JPH2: variants seen among roughly 807,000 people sequenced by gnomAD.
The protein encoded by JPH2 is junctophilin 2.
JPH2 carries 38 observed loss-of-function variants against 55.9 expected under a neutral mutation model. The observed-to-expected ratio is 0.68, with a 90% CI of 0.52 to 0.89. The LOEUF (loss-of-function observed/expected upper bound fraction) is 0.89, where lower values mean the gene tolerates loss of function less well. Among genes scored for constraint, JPH2 ranks in the 40% least tolerant of loss-of-function variants. The pLI, the probability that JPH2 is intolerant of heterozygous loss-of-function variation, is 0.00. For synonymous variants in JPH2, 480 were observed against 472.4 expected, an observed-to-expected ratio of 1.02 and a Z score of -0.21; for missense variants, 964 against 1,037.6, an observed-to-expected ratio of 0.93 and a Z score of 0.97.
In JPH2 at chr20:44,178,473, A is replaced by G. The variant is rs1011031419; in HGVS notation, c.379+7854T>C. Among the ~76,000 whole-genome samples the G allele has an allele frequency of 1.3e-5, 2 of 152,248 alleles. 1 individual carries two copies. The highest frequency in any genetic ancestry group is 4.8e-5 in the African/African-American group (2 of 41,468). On this transcript the variant is annotated intron_variant, in intron 1 of 5. Transcript: ENST00000372980. ...ACAAATAGGGATATATACCATGTTC[A>G]CGGGTTGGAAGCCTCACTGCTAATA...
chr20:44,160,914 C>G lies in JPH2; in HGVS notation c.380-507G>C, dbSNP rs1011663336. On this transcript the variant is annotated intron_variant, in intron 1 of 5. Transcript: ENST00000372980. The surrounding 1 kb of genome is among the most constrained non-coding windows in gnomAD (Gnocchi z 4.9). ...ACCTGGGCAACATGGTGAAACCTCTCTCTACAAAAAAATTAGTCAGGCGTG... is the reference window on the plus strand; with the variant it reads ...ACCTGGGCAACATGGTGAAACCTCTGTCTACAAAAAAATTAGTCAGGCGTG... 1.3e-5 allele frequency among the ~76,000 whole-genome samples: 2 copies of G among 152,122 alleles called. No individual in the cohort carries two copies. Among genetic ancestry groups the G allele is most frequent in the Non-Finnish European group, 2.9e-5 (2 of 68,024 alleles).
rs113789796 is a variant in JPH2, at chr20:44,137,136, T to C, written c.1170-18513A>G. Among the ~76,000 whole-genome samples, 1,070 of 152,306 alleles carry C rather than the reference T, an allele frequency of 7.0e-3. 11 individuals are homozygous for C. Among genetic ancestry groups the C allele is most frequent in the African/African-American group, 0.025 (1,023 of 41,560 alleles). ...CCCCATGAATGTTAGCTGCTATTTTTTGTTATCACTACTTAGCGGATTTTC... is the reference window on the plus strand; with the variant it reads ...CCCCATGAATGTTAGCTGCTATTTTCTGTTATCACTACTTAGCGGATTTTC... On this transcript the variant is annotated intron_variant, in intron 2 of 5. Coordinates refer to ENST00000372980, the MANE Select transcript of JPH2 (RefSeq NM_020433.5).
chr20:44,167,284 C>T (rs769583006), intron 1 of JPH2, among the ~76,000 whole-genome samples: 2 of 152,190 alleles, frequency 1.3e-5, no homozygotes, highest in Non-Finnish European at 2.9e-5. Context: ...AGGGAGGAAG[C>T]TTTGTCTACC....
rs1168358509 is a variant in JPH2, at chr20:44,187,016, G to C, written c.-311C>G. 1 of 457,634 alleles carries C rather than the reference G, an allele frequency of 2.2e-6. No homozygotes were observed. The highest frequency in any genetic ancestry group is 3.7e-5 in the Admixed American group (1 of 27,182). 28.3% of individuals were successfully genotyped at this position (457,634 alleles called of 1,614,324 possible). On this transcript the variant is annotated 5_prime_UTR_variant, in exon 1 of 6. Transcript: ENST00000372980. ...GCGTCCCAAGTCTGCCTTCCAAGAA[G>C]TCCAAGGGAAAACGGTGTGATCTCT...
Position 44,107,923 on chromosome 20 carries a change from T to A in JPH2, c.*5595A>T, listed in dbSNP as rs186604074. ...GTCTTTGTTATTCATGGTGGGCTCCTGGGACCACAACTCACAGCTTATGCT... is the reference window on the plus strand; with the variant it reads ...GTCTTTGTTATTCATGGTGGGCTCCAGGGACCACAACTCACAGCTTATGCT... On this transcript the variant is annotated 3_prime_UTR_variant, in exon 6 of 6. Coordinates refer to ENST00000372980, the MANE Select transcript of JPH2 (RefSeq NM_020433.5). Among the ~76,000 whole-genome samples, 232 of 152,326 alleles carry A rather than the reference T, an allele frequency of 1.5e-3. No homozygotes were observed. Among genetic ancestry groups the A allele is most frequent in the African/African-American group, 4.9e-3 (205 of 41,558 alleles).
chr20:44,133,575 G>T (rs189734406), intron 2 of JPH2, among the ~76,000 whole-genome samples: 74 of 152,030 alleles, frequency 4.9e-4, no homozygotes, highest in African/African-American at 1.7e-3. Flanking sequence ...CTTCCAGTGT[G>T]CCCAGCCGAC....
intron 2 of JPH2, among the ~76,000 whole-genome samples, chr20:44,145,534 G>A (rs6103651): frequency 6.6e-6 from 1 of 151,614 alleles, no homozygotes; most frequent in Non-Finnish European, 1.5e-5. Context: ...AACGCGGGAG[G>A]AGGAGGCTGC....
intron 1 of JPH2, among the ~76,000 whole-genome samples, chr20:44,169,477 C>T (rs1043903420): frequency 6.6e-6 from 1 of 152,112 alleles, no homozygotes; most frequent in Admixed American, 6.5e-5. Context: ...CACGCCTGGC[C>T]CTCAGGTATT....
intron 1 of JPH2, among the ~76,000 whole-genome samples, chr20:44,162,745 CATATATATATATATATATATATAT>C (rs1157323951): frequency 2.9e-4 from 15 of 52,472 alleles, no homozygotes; most frequent in South Asian, 1.5e-3. Context: ...AATAAACTTC[CATATATATATATATATATATATAT>C]ATATATATAT....
intron 2 of JPH2, among the ~76,000 whole-genome samples, chr20:44,154,720 A>AT (rs1281236711): frequency 6.6e-6 from 1 of 152,210 alleles, no homozygotes; most frequent in Non-Finnish European, 1.5e-5. Flanking sequence ...CCACAGCCAA[A>AT]TTACTCATGA....
chr20:44,128,451 A>G (rs1428402095), intron 2 of JPH2, among the ~76,000 whole-genome samples: 2 of 152,192 alleles, frequency 1.3e-5, no homozygotes, highest in African/African-American at 2.4e-5. Flanking sequence ...GTCTGCTAAG[A>G]GAGACAAGAC....
chr20:44,155,182 A>T lies in JPH2; in HGVS notation c.1169+4436T>A, dbSNP rs528459225. ...TTATGCTGGCTGCCCTGTGCCAGGC[A>T]TTTTACAGGCATTAGCTCGCATACT... On this transcript the variant is annotated intron_variant, in intron 2 of 5. Coordinates refer to ENST00000372980, the MANE Select transcript of JPH2 (RefSeq NM_020433.5). Among the ~76,000 whole-genome samples, 15 of 152,286 alleles carry T rather than the reference A, an allele frequency of 9.8e-5. No individual in the cohort carries two copies. The South Asian group carries it at 3.1e-3, about 32-fold the overall frequency.
chr20:44,145,642 G>C (rs566973061), intron 2 of JPH2, among the ~76,000 whole-genome samples: 12 of 151,842 alleles, frequency 7.9e-5, no homozygotes, highest in African/African-American at 2.9e-4. Flanking sequence ...ACACTCTGGA[G>C]CTAGGCCCTA....
intron 1 of JPH2, among the ~76,000 whole-genome samples, chr20:44,163,825 C>T (rs1245240597): frequency 6.6e-6 from 1 of 152,200 alleles, no homozygotes; most frequent in Non-Finnish European, 1.5e-5. Context: ...GAAAAGGTCC[C>T]TAGTGCTTCC....
At chr20:44,120,504 G>A (rs1284665399) in intron 2 of JPH2, among the ~76,000 whole-genome samples, 1 of 152,148 alleles carries the variant, frequency 6.6e-6, no homozygotes, top group Non-Finnish European at 1.5e-5. Flanking sequence ...GCCTTAGGAA[G>A]CTGGTGCTGT....
chr20:44,144,498 C>G (rs779527265), intron 2 of JPH2, among the ~76,000 whole-genome samples: 3 of 152,184 alleles, frequency 2.0e-5, no homozygotes, highest in Non-Finnish European at 4.4e-5. Flanking sequence ...AGACCAAGGA[C>G]ACTTGGTGGG....
chr20:44,154,284 G>C (rs938346940), intron 2 of JPH2, among the ~76,000 whole-genome samples: 1 of 152,156 alleles, frequency 6.6e-6, no homozygotes, highest in Non-Finnish European at 1.5e-5. Flanking sequence ...TTTTAATAAT[G>C]TATTTTGTCA....
At chr20:44,130,810 A>C (rs1470258735) in intron 2 of JPH2, among the ~76,000 whole-genome samples, 1 of 152,186 alleles carries the variant, frequency 6.6e-6, no homozygotes. Flanking sequence ...CCAGGTGCAC[A>C]CCTATTATTT....
rs1008969052 is a variant in JPH2 at position 44,159,402 on chromosome 20, T to A, written c.1169+216A>T. On this transcript the variant is annotated intron_variant, in intron 2 of 5. Transcript: ENST00000372980. This position sits in a 1 kb window ranked among gnomAD's most constrained non-coding sequence, Gnocchi z 5.7. Reference sequence around the variant, plus strand: ...AGAAAGGTTGGGTGAGTGGTAGGGTTAAGTCAGTGGAAGGGCTGGGTGTAA... The same window carrying A: ...AGAAAGGTTGGGTGAGTGGTAGGGTAAAGTCAGTGGAAGGGCTGGGTGTAA... 1.3e-5 allele frequency among the ~76,000 whole-genome samples: 2 copies of A among 152,016 alleles called. No homozygotes were observed. The highest frequency in any genetic ancestry group is 4.8e-5 in the African/African-American group (2 of 41,368).
Sources: gnomAD v4.1 joint callset for allele counts (sites outside exome capture counted in the v4.1 genomes callset) on GRCh38, gnomAD v4.1.1 for gene constraint, Gnocchi (gnomAD v3.1) non-coding constraint, MANE v1.5 for transcripts, NCBI Gene and HGNC (gene_info 2026-07-23, HGNC 2026-07-21) for gene names.